Variants in SLC47A1 observed in about 807,000 individuals in gnomAD.
SLC47A1 encodes the protein multidrug and toxin extrusion protein 1.
Under a neutral mutation model 65.8 loss-of-function variants are expected in SLC47A1, and 58 were observed. The ratio of observed to expected loss-of-function variants is 0.88; its 90% confidence interval spans 0.71 to 1.10. The LOEUF (loss-of-function observed/expected upper bound fraction) is 1.10. Among genes scored for constraint, SLC47A1 ranks in the 50% least tolerant of loss-of-function variants. The probability of loss-of-function intolerance (pLI) is 0.00; values close to 1 mark genes in which losing one functional copy is unlikely to be tolerated. For missense variants in SLC47A1, 706 were observed against 719.2 expected (o/e 0.98, Z 0.21); for synonymous variants, 285 against 295.0 (o/e 0.97, Z 0.35).
chr17:19,555,109 A>T, intron 6 of SLC47A1, 103 bp from the exon 7 acceptor site: 1 of 1,016,582 alleles, frequency 9.8e-7, no homozygotes, highest in Non-Finnish European at 1.6e-6. Flanking sequence ...TATGCCTGTG[A>T]TACCCGCTGA....
Position 19,579,022 on chromosome 17 carries a change from C to T in SLC47A1, c.*1469C>T, listed in dbSNP as rs369689892. 2 of 152,230 alleles carry T rather than the reference C, an allele frequency of 1.3e-5. No homozygotes were observed. Among genetic ancestry groups the T allele is most frequent in the South Asian group, 2.1e-4 (1 of 4,836 alleles). The allele number at this position is 152,230 out of a possible 1,614,324, so 9.4% of individuals were successfully genotyped here. A position where few individuals can be genotyped will look rare whatever the true frequency, so the allele number is the denominator to read the frequency against. On this transcript the variant is annotated 3_prime_UTR_variant, in exon 17 of 17. Coordinates refer to ENST00000270570, the MANE Select transcript of SLC47A1 (RefSeq NM_018242.3). ...TGCAATTCTTTCTTCCAAAATAAAA[C>T]ATTAAATAGAGATTTTGCCTCTACA...
chr17:19,565,577 CTTT>C (rs11362429), intron 12 of SLC47A1, among the ~76,000 whole-genome samples: 17 of 95,528 alleles, frequency 1.8e-4, no homozygotes, highest in Non-Finnish European at 1.4e-4. Flanking sequence ...GTCTGAAAAT[CTTT>C]TTTTTTTTTT....
intron 12 of SLC47A1, 163 bp downstream of exon 12, chr17:19,560,656 A>G: frequency 1.4e-6 from 1 of 711,608 alleles, no homozygotes; most frequent in Non-Finnish European, 2.4e-6. Context: ...GCACTTTGGG[A>G]TCACCTGAGG....
chr17:19,533,994 G>A lies in SLC47A1; in HGVS notation c.55G>A (p.Glu19Lys). 1.9e-6 allele frequency: 3 copies of A among 1,544,648 alleles called. No individual in the cohort carries two copies. Among genetic ancestry groups the A allele is most frequent in the Non-Finnish European group, 1.7e-6 (2 of 1,146,848 alleles). Residue 19 changes from glutamate to lysine, a missense_variant, in exon 1 of 17, where the codon GAG (glutamate) becomes AAG (lysine). Physicochemically the swap from Glu to Lys is moderately conservative, Grantham distance 56. Transcript: ENST00000270570. ...GCGCGGAGGCCCGGAGGCCACCCTT[G>A]AGGTCCGTGGGTCGCGCTGCTTGCG... ...PVRGGPEATL[E>K]VRGSRCLRLS...
At position 19,533,886 on chromosome 17, in the gene SLC47A1, T is replaced by TCCGCGGTACCCACTGCCGGCCC; in HGVS notation, c.-33_-32insCCCGCGGTACCCACTGCCGGCC. 7.2e-7 allele frequency: 1 copy of TCCGCGGTACCCACTGCCGGCCC among 1,392,298 alleles called. No homozygotes were observed. Among genetic ancestry groups the TCCGCGGTACCCACTGCCGGCCC allele is most frequent in the South Asian group, 1.5e-5 (1 of 67,606 alleles). The allele number at this position is 1,392,298 out of a possible 1,614,324, so 86.2% of individuals were successfully genotyped here. A position where few individuals can be genotyped will look rare whatever the true frequency, so the allele number is the denominator to read the frequency against. On this transcript the variant is annotated 5_prime_UTR_variant, in exon 1 of 17. Coordinates refer to ENST00000270570, the MANE Select transcript of SLC47A1 (RefSeq NM_018242.3). The stretch of plus-strand genomic sequence containing the variant: ...GCCTGCGCGGTACTCACTGCCGGCC[T>TCCGCGGTACCCACTGCCGGCCC]CCGCGGTACCCACTGCCGGCCTCCG...
At chr17:19,573,516 T>C in intron 16 of SLC47A1, among the ~76,000 whole-genome samples, 1 of 148,038 alleles carries the variant, frequency 6.8e-6, no homozygotes, top group Non-Finnish European at 1.5e-5. Flanking sequence ...TTTTTTAAAA[T>C]TAAAGAAAAA....
rs746366228 is a variant in SLC47A1 at position 19,555,262 on chromosome 17, T to C, written c.594T>C (p.Asn198=). ...IVTGVAANLV[N]ALANYLFLHQ... ...CTGGAGTTGCAGCCAACCTTGTCAA[T>C]GCCCTCGCCAACTATCTGTTTCTCC... Residue 198 remains asparagine, a synonymous_variant, in exon 7 of 17, where the codon AAT becomes AAC. Coordinates refer to ENST00000270570, the MANE Select transcript of SLC47A1 (RefSeq NM_018242.3). The C allele has an allele frequency of 1.1e-5, 18 of 1,614,092 alleles. No individual in the cohort carries two copies. In the Admixed American group the frequency reaches 2.8e-4, roughly 25 times the overall value.
intron 12 of SLC47A1, among the ~76,000 whole-genome samples, 177 bp from the exon 13 acceptor site, chr17:19,566,613 C>G (rs769901288): frequency 2.0e-5 from 3 of 151,984 alleles, no homozygotes; most frequent in African/African-American, 4.8e-5. Context: ...TTAGTAGATA[C>G]GGGGTTTCAC....
intron 12 of SLC47A1, among the ~76,000 whole-genome samples, chr17:19,563,267 G>C (rs531040275): frequency 9.5e-4 from 143 of 151,172 alleles, no homozygotes; most frequent in South Asian, 2.9e-3. Context: ...CAAGTAGCTG[G>C]GACTACAGGC....
At chr17:19,558,981 A>G (rs2084286170) in intron 10 of SLC47A1, among the ~76,000 whole-genome samples, 1 of 152,160 alleles carries the variant, frequency 6.6e-6, no homozygotes. Context: ...TCATGTTTCA[A>G]CAAGTGATGA....
At chr17:19,564,179 C>G (rs1032024261) in intron 12 of SLC47A1, among the ~76,000 whole-genome samples, 3 of 151,882 alleles carry the variant, frequency 2.0e-5, no homozygotes, top group Non-Finnish European at 4.4e-5. Flanking sequence ...ATGGCGAAAC[C>G]CCATCTCTAC....
chr17:19,560,036 C>T (rs1325789271), intron 10 of SLC47A1, 152 bp from the exon 11 acceptor site: 2 of 607,170 alleles, frequency 3.3e-6, no homozygotes, highest in Non-Finnish European at 2.9e-6. Flanking sequence ...GTGGGAGTTC[C>T]CGGCTAGACA....
intron 16 of SLC47A1, among the ~76,000 whole-genome samples, chr17:19,575,154 TTGACC>T (rs928184981): frequency 7.0e-6 from 1 of 143,700 alleles, no homozygotes; most frequent in African/African-American, 2.5e-5. Flanking sequence ...CACTGCAGCC[TTGACC>T]TCCTGGGCTC....
At position 19,577,686 on chromosome 17, in the gene SLC47A1, A is replaced by C; in HGVS notation, c.*133A>C. On this transcript the variant is annotated 3_prime_UTR_variant, in exon 17 of 17. Transcript: ENST00000270570. The stretch of plus-strand genomic sequence containing the variant: ...TGGATTTTGAGGGCTGGAAATGCAA[A>C]GACACATTTTTCTATAAAAAGAAAA... 1 of 1,467,822 alleles carries C rather than the reference A, an allele frequency of 6.8e-7. No individual in the cohort carries two copies. Among genetic ancestry groups the C allele is most frequent in the Non-Finnish European group, 8.9e-7 (1 of 1,117,500 alleles). 90.9% of individuals were successfully genotyped at this position (1,467,822 alleles called of 1,614,324 possible). A position where few individuals can be genotyped will look rare whatever the true frequency, so the allele number is the denominator to read the frequency against.
At chr17:19,550,316 T>C (rs1488258337) in intron 5 of SLC47A1, among the ~76,000 whole-genome samples, 1 of 151,964 alleles carries the variant, frequency 6.6e-6, no homozygotes, top group Non-Finnish European at 1.5e-5. Flanking sequence ...GACAGGGTCT[T>C]GCTAATTTTT....
chr17:19,536,691 C>T (rs1915996339), intron 1 of SLC47A1, among the ~76,000 whole-genome samples: 1 of 152,174 alleles, frequency 6.6e-6, no homozygotes, highest in Non-Finnish European at 1.5e-5. Flanking sequence ...TTTCTGTTTA[C>T]TAAAGGGCAT....
Position 19,578,221 on chromosome 17 carries a change from C to T in SLC47A1, c.*668C>T, listed in dbSNP as rs959017837. 18 of 349,112 alleles carry T rather than the reference C, an allele frequency of 5.2e-5. No homozygotes were observed. The highest frequency in any genetic ancestry group is 2.4e-4 in the African/African-American group (11 of 46,208). The allele number at this position is 349,112 out of a possible 1,614,324, so 21.6% of individuals were successfully genotyped here. A position where few individuals can be genotyped will look rare whatever the true frequency, so the allele number is the denominator to read the frequency against. ...ACTGAAAAACAGTTGGGAAATCTTT[C>T]GAGCTGTGGAAATCCAAACAAAGAC... On this transcript the variant is annotated 3_prime_UTR_variant, in exon 17 of 17. Coordinates refer to ENST00000270570, the MANE Select transcript of SLC47A1 (RefSeq NM_018242.3).
intron 1 of SLC47A1, among the ~76,000 whole-genome samples, chr17:19,541,994 G>A (rs1285502938): frequency 1.3e-5 from 2 of 152,082 alleles, no homozygotes; most frequent in African/African-American, 4.8e-5. Flanking sequence ...GTGTGGTGGC[G>A]CCTGCCTGTA....
At chr17:19,576,481 G>A (rs1009553781) in intron 16 of SLC47A1, among the ~76,000 whole-genome samples, 1 of 150,516 alleles carries the variant, frequency 6.6e-6, no homozygotes, top group African/African-American at 2.5e-5. Context: ...CTCCCAAGTA[G>A]TTGGGACTAT....
Sources: gnomAD v4.1 joint callset for allele counts (sites outside exome capture counted in the v4.1 genomes callset) on GRCh38, gnomAD v4.1.1 for gene constraint, MANE v1.5 for transcripts, NCBI Gene and HGNC (gene_info 2026-07-23, HGNC 2026-07-21) for gene names.